The following PPARGC1A variants were observed in gnomAD, a reference collection of about 807,000 sequenced individuals.
The protein encoded by PPARGC1A is peroxisome proliferator-activated receptor gamma coactivator 1-alpha.
In PPARGC1A, 25 loss-of-function variants were observed where a neutral mutation model predicts 88.7. The observed-to-expected ratio is 0.28, with a 90% CI of 0.21 to 0.39. PPARGC1A has a LOEUF of 0.39. PPARGC1A is among the 10% of genes least tolerant of loss of function. The pLI, the probability that PPARGC1A is intolerant of heterozygous loss-of-function variation, is 1.00. For synonymous variants in PPARGC1A, 363 were observed against 355.6 expected (o/e 1.02, Z -0.24); for missense variants, 880 against 968.7 (o/e 0.91, Z 1.22).
the PPARGC1A span, among the ~76,000 whole-genome samples, chr4:24,118,450 A>C: frequency 6.6e-6 from 1 of 152,170 alleles, no homozygotes; most frequent in African/African-American, 2.4e-5. Flanking sequence ...ACTCCTGGTC[A>C]CTGCCCTCTG....
the PPARGC1A span, among the ~76,000 whole-genome samples, chr4:23,973,334 T>C: frequency 6.6e-6 from 1 of 152,234 alleles, no homozygotes; most frequent in Admixed American, 6.5e-5. Flanking sequence ...CAGACTTTAT[T>C]TTCCTTTCTT....
the PPARGC1A span, among the ~76,000 whole-genome samples, chr4:24,073,104 C>T: frequency 0.25 from 37,904 of 152,068 alleles, 5,229 homozygotes; most frequent in Non-Finnish European, 0.3. Context: ...TCTAGTGGCA[C>T]GATCTCAGTT....
the PPARGC1A span, among the ~76,000 whole-genome samples, chr4:24,322,865 T>C: frequency 6.6e-6 from 1 of 152,240 alleles, no homozygotes; most frequent in Non-Finnish European, 1.5e-5. Flanking sequence ...TCCACTTTGG[T>C]CATGCTCATG....
chr4:24,341,240 C>T, the PPARGC1A span, among the ~76,000 whole-genome samples: 3 of 150,758 alleles, frequency 2.0e-5, no homozygotes, highest in Non-Finnish European at 3.0e-5. Flanking sequence ...TATACACACA[C>T]GTATATAAAA....
the PPARGC1A span, among the ~76,000 whole-genome samples, chr4:24,443,641 T>C: frequency 6.6e-6 from 1 of 152,028 alleles, no homozygotes; most frequent in Non-Finnish European, 1.5e-5. Context: ...CTGCAACTTC[T>C]GCCTCCTGGG....
At chr4:24,033,227 T>A in the PPARGC1A span, among the ~76,000 whole-genome samples, 3 of 152,184 alleles carry the variant, frequency 2.0e-5, no homozygotes, top group Non-Finnish European at 4.4e-5. Flanking sequence ...TCCTCTTCTG[T>A]ATAATGGAGG....
the PPARGC1A span, among the ~76,000 whole-genome samples, chr4:23,947,482 GGATTT>G: frequency 1.3e-5 from 2 of 150,124 alleles, no homozygotes; most frequent in Non-Finnish European, 3.0e-5. Flanking sequence ...AGTGAAGCTA[GGATTT>G]GAACTGGGCA....
chr4:23,865,570 T>C (rs747654985), intron 2 of PPARGC1A, among the ~76,000 whole-genome samples: 2 of 152,160 alleles, frequency 1.3e-5, no homozygotes, highest in Non-Finnish European at 2.9e-5. Context: ...TAAAATTTCC[T>C]TGGGTGGCAT....
the PPARGC1A span, among the ~76,000 whole-genome samples, chr4:23,967,132 T>C: frequency 6.6e-6 from 1 of 152,168 alleles, no homozygotes; most frequent in African/African-American, 2.4e-5. Flanking sequence ...CCTGCCTAAG[T>C]TGCCACAAAA....
the PPARGC1A span, among the ~76,000 whole-genome samples, chr4:23,990,404 AAGT>A: frequency 1.3e-5 from 2 of 151,974 alleles, no homozygotes; most frequent in Non-Finnish European, 2.9e-5. Context: ...ATCACAGTAG[AAGT>A]GCACCCTAGA....
the PPARGC1A span, among the ~76,000 whole-genome samples, chr4:24,158,449 C>T: frequency 2.0e-5 from 3 of 152,284 alleles, no homozygotes; most frequent in South Asian, 2.1e-4. Context: ...TCATGCTCTC[C>T]GTTAGTATTT....
the PPARGC1A span, among the ~76,000 whole-genome samples, chr4:24,131,844 A>T: frequency 6.6e-6 from 1 of 152,206 alleles, no homozygotes; most frequent in Admixed American, 6.5e-5. Flanking sequence ...TCGTCCAAAC[A>T]TACCTCTCAT....
chr4:24,433,504 A>T, the PPARGC1A span, among the ~76,000 whole-genome samples: 1 of 152,212 alleles, frequency 6.6e-6, no homozygotes, highest in African/African-American at 2.4e-5. Context: ...AATTATCATT[A>T]TCTGCAGGAG....
At chr4:24,384,575 A>AAAGC in the PPARGC1A span, among the ~76,000 whole-genome samples, 35 of 151,570 alleles carry the variant, frequency 2.3e-4, no homozygotes, top group Non-Finnish European at 5.0e-4. Context: ...AAAAAAAAAA[A>AAAGC]AAGCAAGGGT....
the PPARGC1A span, among the ~76,000 whole-genome samples, chr4:24,035,644 C>A: frequency 2.0e-5 from 3 of 151,916 alleles, no homozygotes; most frequent in Admixed American, 6.6e-5. Flanking sequence ...ATAGCTTAAA[C>A]CAATGTTTCC....
At chr4:24,095,181 G>A in the PPARGC1A span, among the ~76,000 whole-genome samples, 44 of 142,872 alleles carry the variant, frequency 3.1e-4, no homozygotes, top group South Asian at 4.8e-4. Context: ...GCAGTGGCAC[G>A]ATCCTGGCTC....
At chr4:23,805,593 C>A (rs1359486638) in intron 10 of PPARGC1A, among the ~76,000 whole-genome samples, 5 of 152,166 alleles carry the variant, frequency 3.3e-5, no homozygotes, top group Admixed American at 2.0e-4. Flanking sequence ...CATCCCAGAC[C>A]ATCGATACAC....
the PPARGC1A span, among the ~76,000 whole-genome samples, chr4:24,310,209 G>A: frequency 6.6e-6 from 1 of 152,148 alleles, no homozygotes; most frequent in South Asian, 2.1e-4. Context: ...AATGTGGCAT[G>A]TAACATCATA....
At chr4:23,996,825 C>T in the PPARGC1A span, among the ~76,000 whole-genome samples, 2 of 152,168 alleles carry the variant, frequency 1.3e-5, no homozygotes, top group East Asian at 3.9e-4. Context: ...TCCAATAAAA[C>T]TTTATTAACA....
Sources: allele counts gnomAD v4.1 joint callset (sites outside exome capture counted in the v4.1 genomes callset), GRCh38; gene constraint gnomAD v4.1.1; transcripts MANE v1.5; gene names NCBI Gene and HGNC (gene_info 2026-07-23, HGNC 2026-07-21).